The following CHD7 variants were observed in gnomAD, a reference collection of about 807,000 sequenced individuals.
CHD7 encodes the protein ATP-dependent chromatin remodeler CHD7.
CHD7 carries 24 observed loss-of-function variants against 307.3 expected under a neutral mutation model. That is an observed-to-expected ratio of 0.08 (90% CI 0.06 to 0.11). The LOEUF (loss-of-function observed/expected upper bound fraction) is 0.11. CHD7 is among the 10% of genes least tolerant of loss of function. The pLI is 1.00. For synonymous variants in CHD7, 1,363 were observed against 1,349.9 expected, an observed-to-expected ratio of 1.01 and a Z score of -0.21; for missense variants, 3,106 against 3,727.1, an observed-to-expected ratio of 0.83 and a Z score of 4.34.
intron 1 of CHD7, among the ~76,000 whole-genome samples, chr8:60,685,774 C>G (rs117095732): frequency 6.6e-6 from 1 of 151,980 alleles, no homozygotes; most frequent in Non-Finnish European, 1.5e-5. Context: ...GCATGGTTGC[C>G]GGTGGCAGAT....
At chr8:60,851,129 T>TTA (rs746279719) in intron 27 of CHD7, 25 bp downstream of exon 27, 3 of 1,531,740 alleles carry the variant, frequency 2.0e-6, no homozygotes, top group Non-Finnish European at 2.7e-6. Context: ...ATATTGGCTT[T>TTA]TATAGCTCCA....
intron 2 of CHD7, among the ~76,000 whole-genome samples, chr8:60,753,875 TCAG>T (rs774687964): frequency 3.9e-5 from 6 of 152,180 alleles, no homozygotes; most frequent in Non-Finnish European, 7.4e-5. Flanking sequence ...TCCACCTGCC[TCAG>T]CCTCCCAAAG....
intron 13 of CHD7, chr8:60,824,458 A>G (rs1032028259): frequency 2.2e-5 from 4 of 180,796 alleles, no homozygotes; most frequent in African/African-American, 9.4e-5. Flanking sequence ...AAATCTAAAA[A>G]TATCTGAAAT....
Position 60,852,944 on chromosome 8 carries a change from G to A in CHD7, c.6219G>A (p.Gln2073=), listed in dbSNP as rs777559393. 1.2e-6 allele frequency: 2 copies of A among 1,613,968 alleles called. No individual in the cohort carries two copies. The highest frequency in any genetic ancestry group is 4.5e-5 in the East Asian group (2 of 44,872). ...GCGAGCAGGTTCTCCATCACCCCCA[G>A]CTGGGAGAGAGGCTTAAGCTCTGCC... ...KIREQVLHHP[Q]LGERLKLCQP... Residue 2073 remains glutamine, a synonymous_variant, in exon 31 of 38, where the codon CAG becomes CAA. Coordinates refer to ENST00000423902, the MANE Select transcript of CHD7 (RefSeq NM_017780.4).
rs1805537656 is a variant in CHD7 at position 60,853,094 on chromosome 8, C to T, written c.6369C>T (p.Ser2123=). The T allele has an allele frequency of 2.5e-6, 4 of 1,613,962 alleles. No individual in the cohort carries two copies. The highest frequency in any genetic ancestry group is 2.5e-6 in the Non-Finnish European group (3 of 1,179,876). ...ACATCCTCAATGACCCTGAGTTATC[C>T]TTCTTGGATGCACATAAAAACTTTG... ...DYHILNDPEL[S]FLDAHKNFAQ... Residue 2123 remains serine (S), a synonymous_variant, in exon 31 of 38, where the codon TCC becomes TCT. Transcript: ENST00000423902.
chr8:60,692,996 C>A (rs1160192791), intron 1 of CHD7, among the ~76,000 whole-genome samples: 3 of 152,222 alleles, frequency 2.0e-5, no homozygotes, highest in Non-Finnish European at 4.4e-5. Context: ...CTCCTTCTTC[C>A]TGCAAAAGCA....
At chr8:60,712,809 G>A (rs1009480950) in intron 1 of CHD7, among the ~76,000 whole-genome samples, 5 of 152,000 alleles carry the variant, frequency 3.3e-5, no homozygotes, top group Non-Finnish European at 7.4e-5. Flanking sequence ...CAGCACTTTG[G>A]GAGGCTGAGT....
intron 1 of CHD7, among the ~76,000 whole-genome samples, chr8:60,709,847 T>A (rs922923774): frequency 3.3e-5 from 5 of 152,208 alleles, no homozygotes; most frequent in African/African-American, 1.2e-4. Flanking sequence ...AAAATGCCAT[T>A]TAAAGATAGC....
At chr8:60,701,540 T>TA (rs1469454847) in intron 1 of CHD7, among the ~76,000 whole-genome samples, 1 of 152,248 alleles carries the variant, frequency 6.6e-6, no homozygotes, top group African/African-American at 2.4e-5. Context: ...ACACAGTCAT[T>TA]AGAGTGTGGA....
intron 3 of CHD7, among the ~76,000 whole-genome samples, chr8:60,791,324 C>CA (rs1228229833): frequency 3.3e-5 from 5 of 152,232 alleles, no homozygotes; most frequent in African/African-American, 1.2e-4. Context: ...TCTTCCAACT[C>CA]ACAGGCTGCC....
At position 60,866,638 on chromosome 8, in the gene CHD7, TAA is replaced by T. The variant is rs1445642227; in HGVS notation, c.*707_*708del. On this transcript the variant is annotated 3_prime_UTR_variant, in exon 38 of 38. Coordinates refer to ENST00000423902, the MANE Select transcript of CHD7 (RefSeq NM_017780.4). ...AAAACAAAATAAATAGATGAATAAA[TAA>T]AGAGTGAGAGAAGAGAGAATCAGGT... The T allele has an allele frequency of 6.6e-6, 1 of 152,578 alleles. No individual in the cohort carries two copies. The highest frequency in any genetic ancestry group is 1.5e-5 in the Non-Finnish European group (1 of 68,018). 9.5% of individuals were successfully genotyped at this position (152,578 alleles called of 1,614,324 possible).
At chr8:60,688,330 G>A (rs1471106513) in intron 1 of CHD7, among the ~76,000 whole-genome samples, 1 of 152,118 alleles carries the variant, frequency 6.6e-6, no homozygotes, top group Non-Finnish European at 1.5e-5. Flanking sequence ...TATAGCATAT[G>A]GCATATTCAT....
intron 1 of CHD7, among the ~76,000 whole-genome samples, chr8:60,694,898 A>G (rs60146492): frequency 0.11 from 16,930 of 152,202 alleles, 1,311 homozygotes; most frequent in East Asian, 0.31. Flanking sequence ...CGTGATGGAA[A>G]TGGAGTTGAA....
intron 1 of CHD7, among the ~76,000 whole-genome samples, chr8:60,681,323 AGTGTTTTTGTCTTGCT>A (rs1805617985): frequency 6.6e-6 from 1 of 152,206 alleles, no homozygotes; most frequent in African/African-American, 2.4e-5. Context: ...TCTGTCGCGC[AGTGTTTTTGTCTTGCT>A]GTTGCACAAC....
chr8:60,850,860 C>T lies in CHD7; in HGVS notation c.5535-172C>T, dbSNP rs528441344. The T allele has an allele frequency of 7.4e-6, 5 of 677,880 alleles. No homozygotes were observed. The East Asian group carries it at 1.4e-4, about 18-fold the overall frequency. The allele number at this position is 677,880 out of a possible 1,614,324, so 42.0% of individuals were successfully genotyped here. ...CATTTCCCGCAATCTCCCCAGACCC[C>T]CTCCACCACACTGCCATGGCTGCAT... On this transcript the variant is annotated intron_variant, in intron 26 of 37. Coordinates refer to ENST00000423902, the MANE Select transcript of CHD7 (RefSeq NM_017780.4).
intron 1 of CHD7, among the ~76,000 whole-genome samples, chr8:60,722,255 G>A (rs1043085045): frequency 6.6e-6 from 1 of 152,152 alleles, no homozygotes; most frequent in African/African-American, 2.4e-5. Context: ...AAGGATGCCT[G>A]TGGCTTTTTT....
chr8:60,751,721 G>T (rs1809650439), intron 2 of CHD7, among the ~76,000 whole-genome samples: 1 of 152,192 alleles, frequency 6.6e-6, no homozygotes, highest in Non-Finnish European at 1.5e-5. Flanking sequence ...CCTTCACTTA[G>T]TGTAAAAAAT....
At chr8:60,822,382 A>T in intron 11 of CHD7, 121 bp from the exon 12 acceptor site, 1 of 972,462 alleles carries the variant, frequency 1.0e-6, no homozygotes, top group Non-Finnish European at 1.5e-6. Context: ...GTTGAATCTA[A>T]GAGAACATCT....
At chr8:60,749,914 A>G (rs1006905796) in intron 2 of CHD7, among the ~76,000 whole-genome samples, 3 of 152,200 alleles carry the variant, frequency 2.0e-5, no homozygotes, top group Non-Finnish European at 4.4e-5. Flanking sequence ...TTCAATTTAT[A>G]TATACTACAG....
Sources: gnomAD v4.1 joint callset for allele counts (sites outside exome capture counted in the v4.1 genomes callset) on GRCh38, gnomAD v4.1.1 for gene constraint, MANE v1.5 for transcripts, NCBI Gene and HGNC (gene_info 2026-07-23, HGNC 2026-07-21) for gene names.